Variants in SYNJ1 observed in about 807,000 individuals in gnomAD.
SYNJ1 encodes the protein synaptojanin 1.
Under a neutral mutation model 168.2 loss-of-function variants are expected in SYNJ1, and 78 were observed. The ratio of observed to expected loss-of-function variants is 0.46; its 90% CI spans 0.39 to 0.56. The LOEUF (loss-of-function observed/expected upper bound fraction) is 0.56. SYNJ1 is among the 20% of genes least tolerant of loss of function. The probability of loss-of-function intolerance (pLI) is 0.00; values close to 1 mark genes in which losing one functional copy is unlikely to be tolerated. For missense variants in SYNJ1, 1,303 were observed against 1,597.6 expected, an observed-to-expected ratio of 0.82 and a Z score of 3.14; for synonymous variants, 539 against 548.6, an observed-to-expected ratio of 0.98 and a Z score of 0.24.
chr21:32,650,210 T>C lies in SYNJ1; in HGVS notation c.3011A>G (p.Glu1004Gly). The C allele has an allele frequency of 6.2e-7, 1 of 1,609,044 alleles. No individual in the cohort carries two copies. The highest frequency in any genetic ancestry group is 8.5e-7 in the Non-Finnish European group (1 of 1,178,648). The change falls in exon 23 of 33, where the codon GAG (glutamate) becomes GGG (glycine). Residue 1004 changes from glutamate (E) to glycine (G), a missense_variant. By Grantham distance (98) the Glu-to-Gly change is moderately conservative. Transcript: ENST00000674351. ...TTCCATATCAAAATCTGCTGCAACC[T>C]CTGCATCTTCACCAAGCAGGGTAGA... ...TSSTLLGEDA[E>G]VAADFDMEGD...
intron 17 of SYNJ1, among the ~76,000 whole-genome samples, chr21:32,665,349 T>C (rs2040883907): frequency 6.6e-6 from 1 of 152,184 alleles, no homozygotes; most frequent in African/African-American, 2.4e-5. Flanking sequence ...TCCCTCACAA[T>C]TTGCCCACAG....
At chr21:32,637,555 C>A (rs2039632659) in intron 31 of SYNJ1, among the ~76,000 whole-genome samples, 1 of 151,844 alleles carries the variant, frequency 6.6e-6, no homozygotes, top group African/African-American at 2.4e-5. Context: ...ACTACAGGCG[C>A]ACACCACCAT....
intron 23 of SYNJ1, among the ~76,000 whole-genome samples, chr21:32,649,550 G>C (rs915347854): frequency 5.9e-5 from 9 of 152,084 alleles, no homozygotes; most frequent in Non-Finnish European, 1.5e-5. Flanking sequence ...TCTGTTCTTA[G>C]AATACCCTTT....
chr21:32,643,909 C>T (rs928718883), intron 26 of SYNJ1, among the ~76,000 whole-genome samples: 11 of 151,926 alleles, frequency 7.2e-5, no homozygotes, highest in Non-Finnish European at 1.3e-4. Context: ...ACTATAATGA[C>T]GTAAAGGAAT....
chr21:32,649,507 A>C (rs969512139), intron 23 of SYNJ1, among the ~76,000 whole-genome samples: 9 of 152,262 alleles, frequency 5.9e-5, no homozygotes, highest in Non-Finnish European at 1.5e-5. Context: ...ATCATGTTTA[A>C]GGAAATTTTC....
Position 32,726,847 on chromosome 21 carries a change from G to T in SYNJ1, c.49C>A (p.Pro17Thr). The change falls in exon 2 of 33, where the codon CCT (proline) becomes ACT (threonine). Residue 17 changes from proline (P) to threonine (T), a missense_variant. By Grantham distance (38) the Pro-to-Thr change is conservative. Coordinates refer to ENST00000674351, the MANE Select transcript of SYNJ1 (RefSeq NM_203446.3). The stretch of plus-strand genomic sequence containing the variant: ...CTAGTTTCCACTATGAGGCTGAAAG[G>T]TGGGGGATCCAATTTGTGATAGATC... Reference protein sequence around the residue: ...FRIYHKLDPPPFSLIVETRHK... With the variant: ...FRIYHKLDPPTFSLIVETRHK... 1 of 1,614,182 alleles carries T rather than the reference G, an allele frequency of 6.2e-7. No homozygotes were observed. The highest frequency in any genetic ancestry group is 8.5e-7 in the Non-Finnish European group (1 of 1,180,044).
At chr21:32,676,628 T>C (rs2041420444) in intron 12 of SYNJ1, among the ~76,000 whole-genome samples, 1 of 152,246 alleles carries the variant, frequency 6.6e-6, no homozygotes, top group Non-Finnish European at 1.5e-5. Flanking sequence ...TGGCTGCTCC[T>C]GTGTGTATGT....
chr21:32,690,988 A>G (rs1316493761), intron 6 of SYNJ1, among the ~76,000 whole-genome samples: 1 of 152,216 alleles, frequency 6.6e-6, no homozygotes, highest in Non-Finnish European at 1.5e-5. Flanking sequence ...ATGGTATATC[A>G]TTTTCCATCA....
chr21:32,704,781 G>A (rs1476016137), intron 2 of SYNJ1, among the ~76,000 whole-genome samples: 1 of 152,180 alleles, frequency 6.6e-6, no homozygotes, highest in Non-Finnish European at 1.5e-5. Context: ...GATAATGAGA[G>A]CCAGGTTTCT....
chr21:32,718,053 G>A (rs2043086853), intron 2 of SYNJ1, among the ~76,000 whole-genome samples: 1 of 152,114 alleles, frequency 6.6e-6, no homozygotes, highest in Non-Finnish European at 1.5e-5. Flanking sequence ...TCATTTTGTT[G>A]TTGTTACTTA....
At chr21:32,683,779 T>A (rs1035984792) in intron 10 of SYNJ1, among the ~76,000 whole-genome samples, 106 of 152,088 alleles carry the variant, frequency 7.0e-4, no homozygotes, top group Non-Finnish European at 1.0e-4. Flanking sequence ...TGAAATACTA[T>A]AAACAGCAGA....
chr21:32,664,626 A>T (rs1251594314), intron 18 of SYNJ1, among the ~76,000 whole-genome samples: 1 of 152,112 alleles, frequency 6.6e-6, no homozygotes, highest in Non-Finnish European at 1.5e-5. Context: ...AGCCCTTAAA[A>T]GGGACAGGAA....
At chr21:32,669,337 T>C (rs2041086592) in intron 15 of SYNJ1, among the ~76,000 whole-genome samples, 1 of 152,194 alleles carries the variant, frequency 6.6e-6, no homozygotes, top group East Asian at 1.9e-4. Flanking sequence ...TGGAAAAACT[T>C]GCGTTTTCAG....
At chr21:32,691,355 A>C (rs2042020473) in intron 6 of SYNJ1, among the ~76,000 whole-genome samples, 2 of 152,150 alleles carry the variant, frequency 1.3e-5, no homozygotes, top group African/African-American at 4.8e-5. Context: ...GCCTTTTGCC[A>C]TGACTGGAAG....
chr21:32,722,015 G>A (rs1420211146), intron 2 of SYNJ1, among the ~76,000 whole-genome samples: 1 of 151,002 alleles, frequency 6.6e-6, no homozygotes, highest in African/African-American at 2.4e-5. Flanking sequence ...GAGAAACCCT[G>A]TCTCTACTAA....
chr21:32,716,065 A>G (rs1161187180), intron 2 of SYNJ1, among the ~76,000 whole-genome samples: 4 of 152,228 alleles, frequency 2.6e-5, no homozygotes, highest in African/African-American at 4.8e-5. Flanking sequence ...TTTAAGCTGG[A>G]AAAAGATAAA....
At chr21:32,665,884 G>A in intron 17 of SYNJ1, 59 bp downstream of exon 17, 1 of 1,456,972 alleles carries the variant, frequency 6.9e-7, no homozygotes, top group Non-Finnish European at 9.2e-7. Flanking sequence ...TGTAGAATTT[G>A]GGGCAAATTA....
intron 14 of SYNJ1, chr21:32,670,929 T>A: frequency 1.8e-6 from 1 of 569,004 alleles, no homozygotes; most frequent in Non-Finnish European, 2.2e-6. Flanking sequence ...CTACAAGGAC[T>A]AACGGAGAAC....
chr21:32,682,782 T>A (rs921542946), intron 10 of SYNJ1, among the ~76,000 whole-genome samples: 11 of 152,152 alleles, frequency 7.2e-5, no homozygotes, highest in African/African-American at 2.4e-4. Flanking sequence ...ATAATTTTGA[T>A]GAAGAGGTCC....
Sources: allele counts gnomAD v4.1 joint callset (sites outside exome capture counted in the v4.1 genomes callset), GRCh38; gene constraint gnomAD v4.1.1; transcripts MANE v1.5; gene names NCBI Gene and HGNC (gene_info 2026-07-23, HGNC 2026-07-21).